Variants in TBC1D4 observed in about 807,000 individuals in gnomAD.
TBC1D4 encodes the protein TBC1 domain family member 4.
Under a neutral mutation model 142.5 loss-of-function variants are expected in TBC1D4, and 121 were observed. The ratio of observed to expected loss-of-function variants is 0.85; its 90% CI spans 0.73 to 0.99. The LOEUF (loss-of-function observed/expected upper bound fraction) is 0.99. Among genes scored for constraint, TBC1D4 ranks in the 50% least tolerant of loss-of-function variants. The pLI, the probability that TBC1D4 is intolerant of heterozygous loss-of-function variation, is 0.00. For synonymous variants in TBC1D4, 630 were observed against 628.2 expected, an observed-to-expected ratio of 1.00 and a Z score of -0.04; for missense variants, 1,475 against 1,606.6, an observed-to-expected ratio of 0.92 and a Z score of 1.40.
intron 1 of TBC1D4, among the ~76,000 whole-genome samples, chr13:75,460,058 G>T (rs1887898079): frequency 6.6e-6 from 1 of 152,110 alleles, no homozygotes; most frequent in Non-Finnish European, 1.5e-5. Context: ...CAGGAGAATG[G>T]CATGAACCTG....
chr13:75,473,837 GAC>G (rs1274282557), intron 1 of TBC1D4, among the ~76,000 whole-genome samples: 1 of 152,072 alleles, frequency 6.6e-6, no homozygotes, highest in African/African-American at 2.4e-5. Flanking sequence ...AGATATCAAA[GAC>G]ATATTAAAAG....
intron 1 of TBC1D4, among the ~76,000 whole-genome samples, chr13:75,480,916 G>A (rs1435446920): frequency 6.7e-6 from 1 of 148,306 alleles, no homozygotes; most frequent in East Asian, 1.9e-4. Flanking sequence ...CGGCAAGCAA[G>A]CCATCTCCGG....
At chr13:75,466,851 C>G (rs1415679487) in intron 1 of TBC1D4, among the ~76,000 whole-genome samples, 1 of 150,110 alleles carries the variant, frequency 6.7e-6, no homozygotes, top group Non-Finnish European at 1.5e-5. Context: ...AGCCTCGTGA[C>G]AAAGTGAGAC....
At chr13:75,423,671 C>G (rs1203967391) in intron 1 of TBC1D4, among the ~76,000 whole-genome samples, 2 of 152,204 alleles carry the variant, frequency 1.3e-5, no homozygotes, top group Non-Finnish European at 2.9e-5. Flanking sequence ...AAAATAAAAA[C>G]TTCCATTGTA....
intron 1 of TBC1D4, among the ~76,000 whole-genome samples, chr13:75,421,335 C>T (rs1308366532): frequency 2.0e-5 from 3 of 152,166 alleles, no homozygotes; most frequent in African/African-American, 7.2e-5. Context: ...TTTACAATCC[C>T]CCTAACTCCC....
chr13:75,384,344 G>A (rs1232235132), intron 1 of TBC1D4, among the ~76,000 whole-genome samples: 1 of 152,094 alleles, frequency 6.6e-6, no homozygotes, highest in African/African-American at 2.4e-5. Flanking sequence ...GCTGAGACAG[G>A]AGGATCGCTT....
At position 75,398,311 on chromosome 13, in the gene TBC1D4, A is replaced by G. The variant is rs190205319; in HGVS notation, c.499-35704T>C. ...TCAGAATCTAGAAGTGGGTGCTGGC[A>G]TAAGAAAATCTAAAACATGTGGAAT... On this transcript the variant is annotated intron_variant, in intron 1 of 20. Transcript: ENST00000377636. 1.1e-4 allele frequency among the ~76,000 whole-genome samples: 16 copies of G among 152,378 alleles called. No homozygotes were observed. In the East Asian group the frequency reaches 2.7e-3, roughly 26 times the overall value.
chr13:75,443,079 G>A (rs1887119169), intron 1 of TBC1D4, among the ~76,000 whole-genome samples: 1 of 152,168 alleles, frequency 6.6e-6, no homozygotes, highest in African/African-American at 2.4e-5. Flanking sequence ...GCTCCTCTGG[G>A]CTTAGGCAAG....
intron 1 of TBC1D4, among the ~76,000 whole-genome samples, chr13:75,392,165 T>G (rs1884522956): frequency 6.6e-6 from 1 of 152,178 alleles, no homozygotes; most frequent in African/African-American, 2.4e-5. Context: ...TCAACAAATA[T>G]TTGCTGAATA....
chr13:75,380,209 TGCCTG>T (rs1883750045), intron 1 of TBC1D4, among the ~76,000 whole-genome samples: 1 of 150,412 alleles, frequency 6.6e-6, no homozygotes, highest in African/African-American at 2.4e-5. Flanking sequence ...GAGGCAGACA[TGCCTG>T]TAATCCCAGA....
intron 4 of TBC1D4, among the ~76,000 whole-genome samples, chr13:75,351,367 C>A (rs1167073696): frequency 6.6e-6 from 1 of 151,780 alleles, no homozygotes; most frequent in Non-Finnish European, 1.5e-5. Flanking sequence ...TGGCATCAAT[C>A]CTATTTTTTT....
rs7327548 is a variant in TBC1D4, at chr13:75,481,684, G to C, written c.84C>G (p.Pro28=). The C allele has an allele frequency of 0.4, 639,551 of 1,598,576 alleles. 131,835 individuals are homozygous for C. The highest frequency in any genetic ancestry group is 0.56 in the African/African-American group (41,219 of 73,970). Residue 28 remains proline, a synonymous_variant, in exon 1 of 21, where the codon CCC becomes CCG. Coordinates refer to ENST00000377636, the MANE Select transcript of TBC1D4 (RefSeq NM_014832.5). ...GGAACCGCTTATCGCTTGGCTTCCC[G>C]GGGCCGGGCTGAGCTGAGACGCCCG... The part of the protein sequence containing the change: ...PEPGVSAQPG[P]GKPSDKRFRL...
chr13:75,302,307 G>A lies in TBC1D4; in HGVS notation c.2847C>T (p.Asp949=). The change falls in exon 16 of 21, where the codon GAC becomes GAT. Residue 949 remains aspartate (D), a synonymous_variant. Transcript: ENST00000377636. ...GCTTCAAAAGTTCCTTATAGGATAT[G>A]TCAGGAGGCTGTTGTTTATTAGGCA... The part of the protein sequence containing the change: ...HRLPNKQQPP[D]ISYKELLKQL... The A allele has an allele frequency of 6.2e-7, 1 of 1,614,216 alleles. No homozygotes were observed. Among genetic ancestry groups the A allele is most frequent in the Middle Eastern group, 1.6e-4 (1 of 6,062 alleles).
intron 1 of TBC1D4, among the ~76,000 whole-genome samples, chr13:75,424,468 C>G (rs1886296498): frequency 6.6e-6 from 1 of 151,762 alleles, no homozygotes. Context: ...CAATGCAATT[C>G]CCATCAAAAT....
intron 1 of TBC1D4, among the ~76,000 whole-genome samples, chr13:75,444,306 G>T (rs1367762472): frequency 6.6e-6 from 1 of 151,968 alleles, no homozygotes; most frequent in Non-Finnish European, 1.5e-5. Context: ...GCTCATTGAG[G>T]TATTTTTGTA....
chr13:75,467,924 T>A (rs914833982), intron 1 of TBC1D4, among the ~76,000 whole-genome samples: 2 of 152,210 alleles, frequency 1.3e-5, no homozygotes, highest in Non-Finnish European at 2.9e-5. Context: ...TATCTTATAG[T>A]TGGTCAAGAG....
intron 1 of TBC1D4, among the ~76,000 whole-genome samples, chr13:75,386,783 T>C (rs1455506140): frequency 2.0e-5 from 3 of 152,196 alleles, no homozygotes; most frequent in African/African-American, 7.2e-5. Flanking sequence ...AGTGAACATC[T>C]TTCCGCCATT....
At chr13:75,403,398 T>C (rs1293717743) in intron 1 of TBC1D4, among the ~76,000 whole-genome samples, 2 of 152,236 alleles carry the variant, frequency 1.3e-5, no homozygotes, top group African/African-American at 4.8e-5. Context: ...TTCATATTGC[T>C]TAAAGAAATT....
intron 1 of TBC1D4, among the ~76,000 whole-genome samples, chr13:75,383,209 G>A (rs933612334): frequency 1.3e-5 from 2 of 152,132 alleles, no homozygotes; most frequent in Non-Finnish European, 2.9e-5. Flanking sequence ...TGTAGTCCCA[G>A]CTACTCGGGA....
Sources: gnomAD v4.1 joint callset for allele counts (sites outside exome capture counted in the v4.1 genomes callset) on GRCh38, gnomAD v4.1.1 for gene constraint, MANE v1.5 for transcripts, NCBI Gene and HGNC (gene_info 2026-07-23, HGNC 2026-07-21) for gene names.